The following SPTAN1 variants were observed in gnomAD, a reference collection of about 807,000 sequenced individuals.
SPTAN1 encodes spectrin alpha, non-erythrocytic 1.
SPTAN1 carries 61 observed loss-of-function variants against 331.3 expected under a neutral mutation model. The ratio of observed to expected loss-of-function variants is 0.18; its 90% CI spans 0.15 to 0.23. The LOEUF is 0.23. Ranked by LOEUF, SPTAN1 falls within the 10% of genes least tolerant of loss-of-function variation. The probability of loss-of-function intolerance (pLI) is 1.00; values close to 1 mark genes in which losing one functional copy is unlikely to be tolerated. For synonymous variants in SPTAN1, 1,153 were observed against 1,173.9 expected (o/e 0.98, Z 0.36); for missense variants, 2,043 against 3,147.9 (o/e 0.65, Z 8.40).
At chr9:128,561,686 A>G (rs918129896) in intron 1 of SPTAN1, among the ~76,000 whole-genome samples, 59 of 147,274 alleles carry the variant, frequency 4.0e-4, no homozygotes, top group African/African-American at 1.4e-3. Context: ...AAAAAAAAAA[A>G]AAGAATATGT....
At chr9:128,613,283 A>T in intron 39 of SPTAN1, 98 bp from the exon 40 acceptor site, 1 of 942,850 alleles carries the variant, frequency 1.1e-6, no homozygotes, top group Non-Finnish European at 1.7e-6. Context: ...TCAACTGTCC[A>T]AGCAAGGCCC....
chr9:128,586,840 CAG>C (rs780963968), intron 19 of SPTAN1, among the ~76,000 whole-genome samples: 1 of 147,320 alleles, frequency 6.8e-6, no homozygotes, highest in Admixed American at 6.9e-5. Flanking sequence ...TTTTCTGAGA[CAG>C]AGTCTCACTC....
In SPTAN1 at chr9:128,599,833, T is replaced by G; in HGVS notation, c.3544-247T>G. 3 of 564,364 alleles carry G rather than the reference T, an allele frequency of 5.3e-6. No individual in the cohort carries two copies. In the South Asian group the frequency reaches 6.8e-5, roughly 13 times the overall value. The allele number at this position is 564,364 out of a possible 1,614,324, so 35.0% of individuals were successfully genotyped here. On this transcript the variant is annotated intron_variant, in intron 26 of 56. Coordinates refer to ENST00000372739, the MANE Select transcript of SPTAN1 (RefSeq NM_001130438.3). ...GTGGTTTTCTTATTAAATTTCTTTA[T>G]TCTCTCCATTTCTTCTACTGGATAA...
chr9:128,588,700 G>A lies in SPTAN1; in HGVS notation c.2872-109G>A, dbSNP rs569380220. On this transcript the variant is annotated intron_variant, in intron 20 of 56. Coordinates refer to ENST00000372739, the MANE Select transcript of SPTAN1 (RefSeq NM_001130438.3). ...GCTTCAGTGAAGAATTCTCATGAGT[G>A]TATATTTGGTACATTTGGTACAGCT... 5.5e-6 allele frequency: 8 copies of A among 1,452,000 alleles called. No homozygotes were observed. The African/African-American group carries it at 1.1e-4, about 20-fold the overall frequency. 89.9% of individuals were successfully genotyped at this position (1,452,000 alleles called of 1,614,324 possible).
chr9:128,584,659 A>T, intron 17 of SPTAN1, 62 bp from the exon 18 acceptor site: 2 of 1,614,200 alleles, frequency 1.2e-6, no homozygotes, highest in Non-Finnish European at 1.7e-6. Context: ...GCTAAGAATG[A>T]CAAATCAGTG....
intron 14 of SPTAN1, 62 bp from the exon 15 acceptor site, chr9:128,583,015 G>A: frequency 3.8e-6 from 6 of 1,592,750 alleles, no homozygotes; most frequent in African/African-American, 1.3e-5. Flanking sequence ...TATGAAGGTA[G>A]TGCAAGGGAA....
intron 52 of SPTAN1, among the ~76,000 whole-genome samples, chr9:128,630,838 G>A (rs1304483297): frequency 6.6e-6 from 1 of 152,100 alleles, no homozygotes; most frequent in Non-Finnish European, 1.5e-5. Context: ...CCAAGTAGCT[G>A]GGATTACAGG....
At chr9:128,588,413 G>A (rs1285908113) in intron 20 of SPTAN1, among the ~76,000 whole-genome samples, 1 of 146,144 alleles carries the variant, frequency 6.8e-6, no homozygotes, top group Non-Finnish European at 1.5e-5. Context: ...CCAGGTTCAA[G>A]TGATTCTCCT....
chr9:128,608,182 C>T lies in SPTAN1; in HGVS notation c.4397C>T (p.Ala1466Val). 1 of 1,614,116 alleles carries T rather than the reference C, an allele frequency of 6.2e-7. No individual in the cohort carries two copies. The highest frequency in any genetic ancestry group is 8.5e-7 in the Non-Finnish European group (1 of 1,180,022). ...QAENWMAARE[A>V]FLNTEDKGDS... The stretch of plus-strand genomic sequence containing the variant: ...GAGAACTGGATGGCTGCCCGGGAGG[C>T]CTTCTTGAATACCGAAGACAAAGGA... Residue 1466 changes from alanine (A) to valine (V), a missense_variant, in exon 34 of 57, where the codon GCC (alanine) becomes GTC (valine). This residue lies in a region of SPTAN1 where 179 missense variants were observed against 215.7 expected (regional missense o/e 0.83). Transcript: ENST00000372739.
Position 128,584,783 on chromosome 9 carries a change from G to T in SPTAN1, c.2500G>T (p.Ala834Ser), listed in dbSNP as rs150338566. Residue 834 changes from alanine to serine, a missense_variant, in exon 18 of 57, where the codon GCT (alanine) becomes TCT (serine). Physicochemically the swap from Ala to Ser is moderately conservative, Grantham distance 99. Transcript: ENST00000372739. ...ACATCAAGCCTTACAAGCAGAAATT[G>T]CTGGACATGAACCACGCATCAAAGC... Reference protein sequence around the residue: ...KKHQALQAEIAGHEPRIKAVT... With the variant: ...KKHQALQAEISGHEPRIKAVT... 6.2e-7 allele frequency: 1 copy of T among 1,614,044 alleles called. No homozygotes were observed. The highest frequency in any genetic ancestry group is 8.5e-7 in the Non-Finnish European group (1 of 1,180,044).
intron 27 of SPTAN1, among the ~76,000 whole-genome samples, chr9:128,601,194 G>C (rs1413450043): frequency 1.3e-5 from 2 of 151,590 alleles, no homozygotes; most frequent in Non-Finnish European, 2.9e-5. Context: ...TGTTAGCCAG[G>C]CTGGTCTCAA....
At chr9:128,586,642 C>T (rs184544691) in intron 19 of SPTAN1, among the ~76,000 whole-genome samples, 19 of 151,900 alleles carry the variant, frequency 1.3e-4, no homozygotes, top group Non-Finnish European at 2.5e-4. Context: ...CATACCAGTG[C>T]GCACATATAC....
chr9:128,619,051 C>T lies in SPTAN1; in HGVS notation c.5733+48C>T, dbSNP rs767309611. 6.8e-6 allele frequency: 11 copies of T among 1,611,810 alleles called. No homozygotes were observed. In the South Asian group the frequency reaches 1.2e-4, roughly 18 times the overall value. The stretch of plus-strand genomic sequence containing the variant: ...CACCTGCTTTCTCTCTTGGCAACTG[C>T]CTGCTGGTCATCATTTCCCTGTTGG... On this transcript the variant is annotated intron_variant, in intron 44 of 56. Transcript: ENST00000372739.
intron 9 of SPTAN1, among the ~76,000 whole-genome samples, chr9:128,579,227 T>G (rs1039646182): frequency 6.6e-6 from 1 of 152,090 alleles, no homozygotes; most frequent in African/African-American, 2.4e-5. Context: ...CAAAACTGAT[T>G]TGGAAGAAAA....
At chr9:128,568,597 A>C (rs527389671) in intron 2 of SPTAN1, among the ~76,000 whole-genome samples, 175 bp from the exon 3 acceptor site, 2 of 152,322 alleles carry the variant, frequency 1.3e-5, no homozygotes, top group Admixed American at 1.3e-4. Context: ...ACCAGGAGAA[A>C]TGCAGTCAGA....
intron 45 of SPTAN1, 42 bp from the exon 46 acceptor site, chr9:128,624,286 G>T: frequency 6.2e-7 from 1 of 1,612,622 alleles, no homozygotes; most frequent in Non-Finnish European, 8.5e-7. Flanking sequence ...GGTAACCACA[G>T]CAGGTAAGGC....
intron 1 of SPTAN1, among the ~76,000 whole-genome samples, chr9:128,559,829 G>C (rs891698776): frequency 6.6e-6 from 1 of 151,750 alleles, no homozygotes; most frequent in Non-Finnish European, 1.5e-5. Flanking sequence ...CTGCCTCCCG[G>C]GTTCAAGCGA....
chr9:128,593,321 A>G (rs1853786896), intron 23 of SPTAN1: 1 of 520,872 alleles, frequency 1.9e-6, no homozygotes, highest in Non-Finnish European at 3.5e-6. Flanking sequence ...ACCAGCCACT[A>G]TCAGCAGCAA....
chr9:128,632,091 C>T (rs1589415541), intron 52 of SPTAN1, 36 bp from the exon 53 acceptor site: 1 of 1,605,350 alleles, frequency 6.2e-7, no homozygotes, highest in East Asian at 2.3e-5. Flanking sequence ...GAGCTGAGGG[C>T]CCCCGTCTGA....
Sources: gnomAD v4.1 joint callset for allele counts (sites outside exome capture counted in the v4.1 genomes callset) on GRCh38, gnomAD v4.1.1 for gene constraint, gnomAD v4.1.1 regional missense constraint, MANE v1.5 for transcripts, NCBI Gene and HGNC (gene_info 2026-07-23, HGNC 2026-07-21) for gene names.